The following AOPEP variants were observed in gnomAD, a reference collection of about 807,000 sequenced individuals.
AOPEP encodes the protein aminopeptidase O (putative), also known as aminopeptidase O.
A neutral mutation model predicts 98.1 loss-of-function variants in AOPEP; 77 were observed. That is an observed-to-expected ratio of 0.78 (90% CI 0.65 to 0.95). The LOEUF (loss-of-function observed/expected upper bound fraction) is 0.95. AOPEP is among the 40% of genes least tolerant of loss of function. AOPEP has a pLI of 0.00. For synonymous variants in AOPEP, 346 were observed against 365.3 expected, an observed-to-expected ratio of 0.95 and a Z score of 0.60; for missense variants, 1,024 against 1,024.7, an observed-to-expected ratio of 1.00 and a Z score of 0.01.
intron 5 of AOPEP, among the ~76,000 whole-genome samples, chr9:94,914,799 C>T (rs1459207593): frequency 6.6e-6 from 1 of 152,214 alleles, no homozygotes; most frequent in African/African-American, 2.4e-5. Context: ...GGGAACTTCA[C>T]AGAAATGCAG....
At chr9:95,076,259 T>G (rs2069053591) in intron 14 of AOPEP, among the ~76,000 whole-genome samples, 1 of 152,188 alleles carries the variant, frequency 6.6e-6, no homozygotes, top group African/African-American at 2.4e-5. Flanking sequence ...GAGTGTACAT[T>G]GCTACACCCT....
intron 7 of AOPEP, among the ~76,000 whole-genome samples, chr9:94,952,141 C>T (rs937887427): frequency 6.6e-5 from 10 of 152,194 alleles, no homozygotes; most frequent in African/African-American, 2.2e-4. Flanking sequence ...TGCATTGGTC[C>T]TCAGGTGCAT....
the AOPEP span, chr9:95,107,535 C>T: frequency 1.8e-6 from 1 of 558,620 alleles, no homozygotes; most frequent in South Asian, 2.1e-5. Context: ...TAAAAGGAAA[C>T]AGAGAAAAGT....
At chr9:94,782,179 G>A (rs1203506567) in intron 3 of AOPEP, among the ~76,000 whole-genome samples, 3 of 151,522 alleles carry the variant, frequency 2.0e-5, no homozygotes, top group South Asian at 4.2e-4. Flanking sequence ...GACAGAGTGA[G>A]ACTCCGTCTC....
chr9:94,806,746 C>T lies in AOPEP; in HGVS notation c.1364+5744C>T, dbSNP rs545549954. 3.3e-5 allele frequency among the ~76,000 whole-genome samples: 5 copies of T among 152,268 alleles called. No homozygotes were observed. The East Asian group carries it at 7.7e-4, about 23-fold the overall frequency. ...TAACTGGTATTCATAAAGTGATGTT[C>T]TTCTGGGACCCTGAAAGCCCTTGGC... On this transcript the variant is annotated intron_variant, in intron 5 of 16. Coordinates refer to ENST00000375315, the MANE Select transcript of AOPEP (RefSeq NM_001193329.3).
At chr9:94,965,946 G>A (rs536817178) in intron 9 of AOPEP, among the ~76,000 whole-genome samples, 6 of 151,428 alleles carry the variant, frequency 4.0e-5, no homozygotes, top group Admixed American at 3.9e-4. Flanking sequence ...AGAGTCCTGT[G>A]TAGAGTCTGT....
intron 5 of AOPEP, among the ~76,000 whole-genome samples, chr9:94,831,861 AG>A (rs1361126995): frequency 1.5e-4 from 23 of 152,140 alleles, no homozygotes. Flanking sequence ...CCACTGCTCA[AG>A]GAAATCAGAG....
intron 5 of AOPEP, among the ~76,000 whole-genome samples, chr9:94,893,601 T>C (rs1320165610): frequency 6.6e-6 from 1 of 152,204 alleles, no homozygotes; most frequent in East Asian, 1.9e-4. Context: ...GTAGTCAGTC[T>C]TGTGCTTGTG....
intron 5 of AOPEP, among the ~76,000 whole-genome samples, chr9:94,810,895 G>C (rs2133968689): frequency 6.6e-6 from 1 of 152,242 alleles, no homozygotes; most frequent in Non-Finnish European, 1.5e-5. Flanking sequence ...TCTGTTTTGT[G>C]TGTCATCAGT....
At chr9:94,875,443 A>G (rs981145329) in intron 5 of AOPEP, among the ~76,000 whole-genome samples, 10 of 151,954 alleles carry the variant, frequency 6.6e-5, no homozygotes, top group Non-Finnish European at 4.4e-5. Context: ...TGGTCAGATA[A>G]GATTTATGGA....
intron 5 of AOPEP, among the ~76,000 whole-genome samples, chr9:94,899,544 G>A (rs1327755453): frequency 2.0e-5 from 3 of 151,772 alleles, no homozygotes; most frequent in Non-Finnish European, 4.4e-5. Flanking sequence ...GAGCCCAGGA[G>A]TTTGAGACCA....
intron 13 of AOPEP, among the ~76,000 whole-genome samples, chr9:95,023,923 G>T (rs1414410248): frequency 2.6e-5 from 4 of 152,112 alleles, no homozygotes; most frequent in South Asian, 2.1e-4. Flanking sequence ...CAATATTTTT[G>T]AAAAGAAGTT....
intron 13 of AOPEP, among the ~76,000 whole-genome samples, chr9:95,039,420 A>C (rs2065101979): frequency 6.6e-6 from 1 of 152,076 alleles, no homozygotes; most frequent in Non-Finnish European, 1.5e-5. Context: ...AAATACTAAA[A>C]AATGATGCAA....
At chr9:94,856,082 C>T (rs567255958) in intron 5 of AOPEP, among the ~76,000 whole-genome samples, 1 of 152,278 alleles carries the variant, frequency 6.6e-6, no homozygotes, top group African/African-American at 2.4e-5. Flanking sequence ...GGTGGAGGCA[C>T]AGCAGCAGAG....
chr9:94,924,661 G>T (rs2054043436), intron 6 of AOPEP, among the ~76,000 whole-genome samples: 1 of 152,168 alleles, frequency 6.6e-6, no homozygotes, highest in African/African-American at 2.4e-5. Flanking sequence ...AGTAGTGAAT[G>T]AAGAATGAAG....
intron 13 of AOPEP, among the ~76,000 whole-genome samples, chr9:95,016,929 A>G (rs765843043): frequency 1.3e-5 from 2 of 151,662 alleles, no homozygotes; most frequent in Non-Finnish European, 2.9e-5. Context: ...AGGTAACAGT[A>G]GTCATTTTAT....
At chr9:95,097,139 T>A in the AOPEP span, among the ~76,000 whole-genome samples, 2 of 152,166 alleles carry the variant, frequency 1.3e-5, no homozygotes, top group African/African-American at 4.8e-5. Flanking sequence ...AAACCCAGAT[T>A]TAGGTGCCTA....
At chr9:94,832,933 AT>A (rs564875203) in intron 5 of AOPEP, among the ~76,000 whole-genome samples, 430 of 136,330 alleles carry the variant, frequency 3.2e-3, no homozygotes, top group Middle Eastern at 4.0e-3. Flanking sequence ...TGTAAATTTG[AT>A]TTTTTTTTTT....
At chr9:95,142,176 A>G in the AOPEP span, among the ~76,000 whole-genome samples, 2 of 151,910 alleles carry the variant, frequency 1.3e-5, no homozygotes, top group African/African-American at 2.4e-5. Context: ...TATTTTTAGT[A>G]GAGATGGGAT....
Sources: gnomAD v4.1 joint callset for allele counts (sites outside exome capture counted in the v4.1 genomes callset) on GRCh38, gnomAD v4.1.1 for gene constraint, MANE v1.5 for transcripts, NCBI Gene and HGNC (gene_info 2026-07-23, HGNC 2026-07-21) for gene names.